Variants in CA10 observed in about 807,000 individuals in gnomAD.
The protein encoded by CA10 is carbonic anhydrase-related protein 10.
CA10 carries 14 observed loss-of-function variants against 44.2 expected under a neutral mutation model. The ratio of observed to expected loss-of-function variants is 0.32; its 90% CI spans 0.21 to 0.50. The LOEUF (loss-of-function observed/expected upper bound fraction) is 0.50, where lower values mean the gene tolerates loss of function less well. Ranked by LOEUF, CA10 falls within the 20% of genes least tolerant of loss-of-function variation. The probability of loss-of-function intolerance (pLI) is 0.99; values close to 1 mark genes in which losing one functional copy is unlikely to be tolerated. For synonymous variants in CA10, 159 were observed against 141.6 expected, an observed-to-expected ratio of 1.12 and a Z score of -0.87; for missense variants, 350 against 409.7, an observed-to-expected ratio of 0.85 and a Z score of 1.26.
At chr17:51,766,956 C>T (rs1905407510) in intron 3 of CA10, among the ~76,000 whole-genome samples, 2 of 152,208 alleles carry the variant, frequency 1.3e-5, no homozygotes, top group Non-Finnish European at 2.9e-5. Flanking sequence ...TCCATCCTTG[C>T]AATAAAACTC....
intron 4 of CA10, among the ~76,000 whole-genome samples, chr17:51,716,672 C>T (rs1220338548): frequency 6.6e-6 from 1 of 152,128 alleles, no homozygotes; most frequent in African/African-American, 2.4e-5. Context: ...AGCTGCAGTT[C>T]CCTCCATAGC....
At chr17:51,946,234 A>C (rs1020631229) in intron 2 of CA10, among the ~76,000 whole-genome samples, 2 of 152,196 alleles carry the variant, frequency 1.3e-5, no homozygotes, top group Non-Finnish European at 2.9e-5. Flanking sequence ...TTTTATTAAC[A>C]TGGTAATTAC....
At chr17:51,672,903 G>A (rs995716598) in intron 4 of CA10, among the ~76,000 whole-genome samples, 1 of 152,174 alleles carries the variant, frequency 6.6e-6, no homozygotes, top group Non-Finnish European at 1.5e-5. Flanking sequence ...TTCTAGTGGG[G>A]AGGGAGTTCC....
At chr17:52,080,889 ATT>A (rs1014533563) in intron 1 of CA10, among the ~76,000 whole-genome samples, 8 of 152,152 alleles carry the variant, frequency 5.3e-5, no homozygotes, top group African/African-American at 1.9e-4. Context: ...TCTATTCCTC[ATT>A]TGCCATTCCT....
chr17:52,148,948 C>T (rs1384109044), intron 1 of CA10, among the ~76,000 whole-genome samples: 2 of 152,116 alleles, frequency 1.3e-5, no homozygotes, highest in African/African-American at 4.8e-5. Context: ...ATATATATTA[C>T]TTTATTGTTT....
At chr17:52,142,509 AT>A (rs541528118) in intron 1 of CA10, among the ~76,000 whole-genome samples, 2 of 151,944 alleles carry the variant, frequency 1.3e-5, no homozygotes, top group Admixed American at 1.3e-4. Context: ...TGATGGGGTT[AT>A]TTTTTTTGAA....
intron 2 of CA10, among the ~76,000 whole-genome samples, chr17:51,973,226 A>T (rs1984344203): frequency 6.6e-6 from 1 of 152,238 alleles, no homozygotes; most frequent in Non-Finnish European, 1.5e-5. Context: ...ACCAAGTGAG[A>T]TCCATACTGA....
rs369043558 is a variant in CA10, at chr17:51,861,535, A to G, written c.279+69455T>C. Reference sequence around the variant, plus strand: ...AAAATGAGAACTAGGTCACTATTGCAGATGTGTGTTTTTTTTTTTTTTAAT... The same window carrying G: ...AAAATGAGAACTAGGTCACTATTGCGGATGTGTGTTTTTTTTTTTTTTAAT... On this transcript the variant is annotated intron_variant, in intron 3 of 8. Transcript: ENST00000451037. Among the ~76,000 whole-genome samples, 585 of 146,226 alleles carry G rather than the reference A, an allele frequency of 4.0e-3. 4 individuals carry two copies. Among genetic ancestry groups the G allele is most frequent in the African/African-American group, 0.013 (473 of 36,996 alleles).
intron 2 of CA10, among the ~76,000 whole-genome samples, chr17:52,016,583 G>C (rs1401862274): frequency 6.6e-6 from 1 of 152,086 alleles, no homozygotes; most frequent in Non-Finnish European, 1.5e-5. Context: ...TAATGAGTGA[G>C]TTCTCACTCT....
intron 2 of CA10, among the ~76,000 whole-genome samples, chr17:51,936,758 G>A (rs952166873): frequency 2.0e-5 from 3 of 152,078 alleles, no homozygotes; most frequent in South Asian, 2.1e-4. Flanking sequence ...TTAAAGGCAG[G>A]TATCTGCCTC....
chr17:52,150,436 C>G (rs1989678649), intron 1 of CA10, among the ~76,000 whole-genome samples: 1 of 152,170 alleles, frequency 6.6e-6, no homozygotes, highest in African/African-American at 2.4e-5. Context: ...GAAAAGGTCA[C>G]TGTCTTACTT....
intron 4 of CA10, among the ~76,000 whole-genome samples, chr17:51,747,313 A>G (rs1904722566): frequency 6.6e-6 from 1 of 152,240 alleles, no homozygotes; most frequent in African/African-American, 2.4e-5. Flanking sequence ...GTAAGTAAAG[A>G]TGTATTATAT....
At chr17:52,149,701 G>A (rs540096792) in intron 1 of CA10, among the ~76,000 whole-genome samples, 1 of 152,254 alleles carries the variant, frequency 6.6e-6, no homozygotes, top group African/African-American at 2.4e-5. Context: ...TTCCTAGGGT[G>A]TAAATATGTG....
chr17:52,100,076 G>C (rs544408424), intron 1 of CA10, among the ~76,000 whole-genome samples: 37 of 152,336 alleles, frequency 2.4e-4, no homozygotes, highest in African/African-American at 8.2e-4. Context: ...GGAGTGAAGA[G>C]AGTGGTAGTT....
chr17:51,677,845 C>T (rs886433901), intron 4 of CA10, among the ~76,000 whole-genome samples: 1 of 151,168 alleles, frequency 6.6e-6, no homozygotes, highest in Non-Finnish European at 1.5e-5. Context: ...GTTAAACATA[C>T]AATTACCATA....
intron 1 of CA10, among the ~76,000 whole-genome samples, chr17:52,115,993 G>A (rs1988886819): frequency 6.6e-6 from 1 of 151,942 alleles, no homozygotes; most frequent in African/African-American, 2.4e-5. Context: ...TTGGGAGGCT[G>A]AGTCAGGAGA....
chr17:51,994,767 A>T (rs1985169587), intron 2 of CA10, among the ~76,000 whole-genome samples: 1 of 152,036 alleles, frequency 6.6e-6, no homozygotes. Flanking sequence ...CATTTTAATC[A>T]AAAGTTACTC....
intron 3 of CA10, among the ~76,000 whole-genome samples, chr17:51,834,445 A>C (rs1908400884): frequency 6.6e-6 from 1 of 152,226 alleles, no homozygotes. Context: ...CATCTGTACA[A>C]TGGCAATTAC....
chr17:51,836,276 G>A (rs1411483764), intron 3 of CA10, among the ~76,000 whole-genome samples: 1 of 152,152 alleles, frequency 6.6e-6, no homozygotes, highest in Non-Finnish European at 1.5e-5. Flanking sequence ...TGCCATTTTA[G>A]GTAAACACAC....
Sources: allele counts gnomAD v4.1 joint callset (sites outside exome capture counted in the v4.1 genomes callset), GRCh38; gene constraint gnomAD v4.1.1; transcripts MANE v1.5; gene names NCBI Gene and HGNC (gene_info 2026-07-23, HGNC 2026-07-21).